CUBN: variants seen among roughly 807,000 people sequenced by gnomAD.
CUBN encodes the protein 460 kDa receptor.
Under a neutral mutation model 405.3 loss-of-function variants are expected in CUBN, and 282 were observed. That is an observed-to-expected ratio of 0.70 (90% CI 0.63 to 0.77). CUBN has a LOEUF of 0.77. CUBN is among the 30% of genes least tolerant of loss of function. CUBN has a pLI of 0.00. For missense variants in CUBN, 4,514 were observed against 4,475.2 expected (o/e 1.01, Z -0.25); for synonymous variants, 1,684 against 1,617.0 (o/e 1.04, Z -0.99).
At chr10:16,978,837 G>C (rs574169235) in intron 31 of CUBN, among the ~76,000 whole-genome samples, 2 of 152,284 alleles carry the variant, frequency 1.3e-5, no homozygotes, top group South Asian at 4.1e-4. Context: ...TGGAAGTTCA[G>C]GTCACAGCAA....
chr10:17,117,372 A>G lies in CUBN; in HGVS notation c.594-1775T>C, dbSNP rs552431670. On this transcript the variant is annotated intron_variant, in intron 6 of 66. Coordinates refer to ENST00000377833, the MANE Select transcript of CUBN (RefSeq NM_001081.4). The stretch of plus-strand genomic sequence containing the variant: ...CCAACAATGTTTAAGAATCTTTTTT[A>G]TTTTTGTTTTTGTTTTTTTTGAGAT... Among the ~76,000 whole-genome samples, 6 of 151,924 alleles carry G rather than the reference A, an allele frequency of 3.9e-5. No homozygotes were observed. The South Asian group carries it at 1.3e-3, about 32-fold the overall frequency.
At chr10:16,861,418 C>T (rs1840009598) in intron 59 of CUBN, among the ~76,000 whole-genome samples, 2 of 152,184 alleles carry the variant, frequency 1.3e-5, no homozygotes, top group South Asian at 4.1e-4. Context: ...CCGCCTCAGC[C>T]TCCCAAGCGC....
intron 17 of CUBN, among the ~76,000 whole-genome samples, chr10:17,077,324 T>C (rs972601297): frequency 1.4e-4 from 22 of 152,264 alleles, no homozygotes; most frequent in Middle Eastern, 3.4e-3. Flanking sequence ...CGAGTTTTTG[T>C]AAAGGAATGA....
chr10:17,067,193 G>A lies in CUBN; in HGVS notation c.3008+871C>T, dbSNP rs139298557. 6.7e-3 allele frequency among the ~76,000 whole-genome samples: 1,012 copies of A among 152,092 alleles called. 11 individuals are homozygous for A. Among genetic ancestry groups the A allele is most frequent in the African/African-American group, 0.023 (971 of 41,522 alleles). The stretch of plus-strand genomic sequence containing the variant: ...GGAAAAATCAATCTATAAAACCATA[G>A]CAGGAAACAATCCAAATGTCTGAAT... On this transcript the variant is annotated intron_variant, in intron 21 of 66. Transcript: ENST00000377833.
In CUBN at chr10:16,890,485, T is replaced by C. The variant is rs1840972900; in HGVS notation, c.8641A>G (p.Thr2881Ala). ...CCCGGAGCCACGTTCCCACAGCCAGTGGCTAGCAGGGCTTTGTCCACCTCC... is the reference window on the plus strand; with the variant it reads ...CCCGGAGCCACGTTCCCACAGCCAGCGGCTAGCAGGGCTTTGTCCACCTCC... ...TEEVDKALLA[T>A]GCGNVAPGPV... The change falls in exon 55 of 67, where the codon ACT becomes GCT. Residue 2881 changes from threonine to alanine, a missense_variant. By Grantham distance (58) the Thr-to-Ala change is moderately conservative (BLOSUM62 0). This residue lies in a region of CUBN where 1,186 missense variants were observed against 1,186.9 expected (regional missense o/e 1.00). Transcript: ENST00000377833. 6.2e-7 allele frequency: 1 copy of C among 1,614,196 alleles called. No homozygotes were observed. Among genetic ancestry groups the C allele is most frequent in the Non-Finnish European group, 8.5e-7 (1 of 1,180,038 alleles).
intron 48 of CUBN, among the ~76,000 whole-genome samples, chr10:16,910,527 T>C (rs1841699089): frequency 6.6e-6 from 1 of 152,132 alleles, no homozygotes; most frequent in African/African-American, 2.4e-5. Context: ...GGATATGACA[T>C]TTGTAGGTTT....
Position 17,097,155 on chromosome 10 carries a change from T to C in CUBN, c.1765+2850A>G, listed in dbSNP as rs75877039. On this transcript the variant is annotated intron_variant, in intron 14 of 66. Transcript: ENST00000377833. ...CAGAAAACATTAACGGAGCCAATAGTTGGAATTTTGAAAACATTAGTAAAA... is the reference window on the plus strand; with the variant it reads ...CAGAAAACATTAACGGAGCCAATAGCTGGAATTTTGAAAACATTAGTAAAA... Among the ~76,000 whole-genome samples, 669 of 152,082 alleles carry C rather than the reference T, an allele frequency of 4.4e-3. 2 individuals are homozygous for C. The highest frequency in any genetic ancestry group is 5.2e-3 in the Non-Finnish European group (352 of 67,948).
intron 54 of CUBN, among the ~76,000 whole-genome samples, chr10:16,896,272 T>C (rs77744173): frequency 6.6e-6 from 1 of 152,196 alleles, no homozygotes; most frequent in African/African-American, 2.4e-5. Context: ...TTCCTTTTTC[T>C]TTTCTCATGC....
At chr10:16,967,166 G>A (rs1006190626) in intron 31 of CUBN, among the ~76,000 whole-genome samples, 2 of 152,064 alleles carry the variant, frequency 1.3e-5, no homozygotes, top group African/African-American at 4.8e-5. Context: ...TTCCAGTTAC[G>A]CTCCTTGGAA....
intron 33 of CUBN, among the ~76,000 whole-genome samples, chr10:16,950,773 G>C (rs910867697): frequency 6.6e-6 from 1 of 152,198 alleles, no homozygotes; most frequent in Non-Finnish European, 1.5e-5. Flanking sequence ...CACTATAAGG[G>C]AATATCTTGT....
rs1298221409 is a variant in CUBN at position 16,825,832 on chromosome 10, C to T, written c.10765-750G>A. On this transcript the variant is annotated intron_variant, in intron 66 of 66. Transcript: ENST00000377833. ...CATGATGCTTACATGACTGGCTTCTCCTGCCTCAGCCCTACCCCAAGTCAT... is the reference window on the plus strand; with the variant it reads ...CATGATGCTTACATGACTGGCTTCTTCTGCCTCAGCCCTACCCCAAGTCAT... Among the ~76,000 whole-genome samples, 4 of 152,182 alleles carry T rather than the reference C, an allele frequency of 2.6e-5. No individual in the cohort carries two copies. The East Asian group carries it at 5.8e-4, about 22-fold the overall frequency.
rs750558780 is a variant in CUBN, at chr10:17,087,578, C to T, written c.1947+586G>A. Among the ~76,000 whole-genome samples, 7 of 147,644 alleles carry T rather than the reference C, an allele frequency of 4.7e-5. No homozygotes were observed. The East Asian group carries it at 8.4e-4, about 18-fold the overall frequency. On this transcript the variant is annotated intron_variant, in intron 15 of 66. Transcript: ENST00000377833. ...GCAACCTCCGCCTCCCGGGTCCAAA[C>T]GATTCTCCTGCCTCAGACTGACGAG... is the stretch of plus-strand genomic sequence containing the variant.
intron 28 of CUBN, among the ~76,000 whole-genome samples, chr10:17,014,619 G>T (rs971540238): frequency 3.9e-5 from 6 of 152,232 alleles, no homozygotes; most frequent in Admixed American, 1.3e-4. Flanking sequence ...AGGCAAAGCT[G>T]GGTCTTCGAC....
At chr10:16,954,752 CCT>C (rs1178848388) in intron 31 of CUBN, among the ~76,000 whole-genome samples, 2 of 152,118 alleles carry the variant, frequency 1.3e-5, no homozygotes, top group African/African-American at 4.8e-5. Context: ...AGCAGGACTT[CCT>C]CTGTCAGAGC....
At chr10:16,834,265 G>T (rs116485159) in intron 64 of CUBN, among the ~76,000 whole-genome samples, 5 of 152,074 alleles carry the variant, frequency 3.3e-5, no homozygotes, top group African/African-American at 1.2e-4. Context: ...CCAATGCAGC[G>T]ATGGGGCAGA....
In CUBN at chr10:16,946,227, C is replaced by T. The variant is rs766116952; in HGVS notation, c.5342+1008G>A. On this transcript the variant is annotated intron_variant, in intron 36 of 66. Transcript: ENST00000377833. The stretch of plus-strand genomic sequence containing the variant: ...TCAATATATAATAAGCATCCATTAT[C>T]AGTGTGACGTGTCACATATACCTCT... 5.9e-5 allele frequency among the ~76,000 whole-genome samples: 9 copies of T among 152,254 alleles called. No homozygotes were observed. The South Asian group carries it at 1.2e-3, about 21-fold the overall frequency.
chr10:16,838,926 A>G (rs1465049299), intron 62 of CUBN, among the ~76,000 whole-genome samples: 1 of 152,188 alleles, frequency 6.6e-6, no homozygotes, highest in African/African-American at 2.4e-5. Context: ...GATTATAAGC[A>G]TGAGCCACCA....
chr10:16,846,380 G>A (rs116772341), intron 60 of CUBN, among the ~76,000 whole-genome samples: 1,677 of 152,200 alleles, frequency 0.011, 22 homozygotes, highest in African/African-American at 0.038. Flanking sequence ...TTACATATAC[G>A]AAGACACACT....
chr10:17,043,795 T>C, intron 26 of CUBN, 32 bp downstream of exon 26: 1 of 1,584,704 alleles, frequency 6.3e-7, no homozygotes, highest in South Asian at 1.1e-5. Context: ...TCTGCCAGTA[T>C]ACACACTTAC....
Sources: allele counts gnomAD v4.1 joint callset (sites outside exome capture counted in the v4.1 genomes callset), GRCh38; gene constraint gnomAD v4.1.1; regional missense constraint gnomAD v4.1.1; transcripts MANE v1.5; gene names NCBI Gene and HGNC (gene_info 2026-07-23, HGNC 2026-07-21).